Variants in CFAP69 observed in about 807,000 individuals in gnomAD.
The protein encoded by CFAP69 is cilia- and flagella-associated protein 69.
A neutral mutation model predicts 123.0 loss-of-function variants in CFAP69; 92 were observed. That is an observed-to-expected ratio of 0.75 (90% CI 0.63 to 0.89). CFAP69 has a LOEUF of 0.89. Among genes scored for constraint, CFAP69 ranks in the 40% least tolerant of loss-of-function variants. The probability of loss-of-function intolerance (pLI) is 0.00; values close to 1 mark genes in which losing one functional copy is unlikely to be tolerated. For missense variants in CFAP69, 1,067 were observed against 1,096.9 expected, an observed-to-expected ratio of 0.97 and a Z score of 0.39; for synonymous variants, 380 against 364.3, an observed-to-expected ratio of 1.04 and a Z score of -0.49.
At chr7:90,276,008 T>G (rs2116980642) in intron 9 of CFAP69, 1 of 152,324 alleles carries the variant, frequency 6.6e-6, no homozygotes, top group East Asian at 1.9e-4. Context: ...ATAGTTTTAT[T>G]TGTCACCAGC....
intron 19 of CFAP69, 38 bp from the exon 20 acceptor site, chr7:90,306,863 T>C: frequency 8.3e-7 from 1 of 1,208,960 alleles, no homozygotes; most frequent in Non-Finnish European, 1.2e-6. Flanking sequence ...ATGATTTGTT[T>C]TTGGTTAATT....
intron 9 of CFAP69, among the ~76,000 whole-genome samples, chr7:90,275,787 A>G (rs540793892): frequency 6.6e-6 from 1 of 151,778 alleles, no homozygotes; most frequent in East Asian, 1.9e-4. Flanking sequence ...TATTTTTAGT[A>G]GAGACAGGGT....
At chr7:90,311,312 C>A (rs1013842495), downstream of CFAP69, among the ~76,000 whole-genome samples, 1 of 152,128 alleles carries the variant, frequency 6.6e-6, no homozygotes, top group African/African-American at 2.4e-5. Context: ...GAGACAAGGA[C>A]CTGTTTCTTA....
chr7:90,253,109 CA>C (rs1797219354), intron 1 of CFAP69, among the ~76,000 whole-genome samples: 2 of 152,078 alleles, frequency 1.3e-5, no homozygotes. Context: ...ATCACCTTTT[CA>C]AACATTTATT....
Position 90,303,984 on chromosome 7 carries a change from T to G in CFAP69, c.2066T>G (p.Leu689Arg). 2.6e-6 allele frequency: 4 copies of G among 1,549,652 alleles called. No homozygotes were observed. Among genetic ancestry groups the G allele is most frequent in the Non-Finnish European group, 3.5e-6 (4 of 1,145,784 alleles). ...CAATGATTAGATACAAAAAAACCTCTATTTACTAGCTTTCAAGAAGAGCAA... is the reference window on the plus strand; with the variant it reads ...CAATGATTAGATACAAAAAAACCTCGATTTACTAGCTTTCAAGAAGAGCAA... ...NGKIIDTKKP[L>R]FTSFQEEQKI... Residue 689 changes from leucine to arginine, a missense_variant, in exon 18 of 23, where the codon CTA becomes CGA. Physicochemically the swap from Leu to Arg is moderately radical, Grantham distance 102. Coordinates refer to ENST00000389297, the MANE Select transcript of CFAP69 (RefSeq NM_001039706.3).
chr7:90,308,006 A>G, intron 21 of CFAP69, 152 bp downstream of exon 21: 1 of 501,218 alleles, frequency 2.0e-6, no homozygotes, highest in Non-Finnish European at 3.5e-6. Context: ...TAGAGTGATA[A>G]GTGAAACTGC....
At position 90,245,229 on chromosome 7, in the gene CFAP69, T is replaced by C. The variant is rs1338441928; in HGVS notation, c.-196T>C. 3.3e-6 allele frequency: 2 copies of C among 606,418 alleles called. No individual in the cohort carries two copies. The highest frequency in any genetic ancestry group is 2.5e-6 in the Non-Finnish European group (1 of 397,144). 37.6% of individuals were successfully genotyped at this position (606,418 alleles called of 1,614,324 possible). A position where few individuals can be genotyped will look rare whatever the true frequency, so the allele number is the denominator to read the frequency against. On this transcript the variant is annotated 5_prime_UTR_variant, in exon 1 of 23. Transcript: ENST00000389297. Reference sequence around the variant, plus strand: ...CCCGGGATCAGAGGTCTGGGTCAACTGGGGGGCGGCAGCGGCGCTAAGCGG... The same window carrying C: ...CCCGGGATCAGAGGTCTGGGTCAACCGGGGGGCGGCAGCGGCGCTAAGCGG...
chr7:90,296,218 C>T (rs779251678), intron 15 of CFAP69, among the ~76,000 whole-genome samples: 1 of 152,100 alleles, frequency 6.6e-6, no homozygotes, highest in Non-Finnish European at 1.5e-5. Context: ...TTAAAGTGCA[C>T]CAACATCTTG....
chr7:90,283,074 G>A lies in CFAP69; in HGVS notation c.1537+18G>A. On this transcript the variant is annotated intron_variant, in intron 13 of 22. Transcript: ENST00000389297. ...AATGATAGGTAAAATATAACATGGT[G>A]GTTTACTGATGAAAGAGGAATATTT... The A allele has an allele frequency of 6.8e-7, 1 of 1,464,472 alleles. No individual in the cohort carries two copies. Among genetic ancestry groups the A allele is most frequent in the Non-Finnish European group, 9.1e-7 (1 of 1,103,398 alleles). 90.7% of individuals were successfully genotyped at this position (1,464,472 alleles called of 1,614,324 possible).
chr7:90,302,544 G>A lies in CFAP69; in HGVS notation c.2051-1425G>A, dbSNP rs376621985. On this transcript the variant is annotated intron_variant, in intron 17 of 22. Coordinates refer to ENST00000389297, the MANE Select transcript of CFAP69 (RefSeq NM_001039706.3). ...CAGTTTCAATTTTCTGCATATGGCT[G>A]GCTAGTTATCCCAGCACCATTTATT... 5 of 152,136 alleles carry A rather than the reference G, an allele frequency of 3.3e-5. No homozygotes were observed. The East Asian group carries it at 9.7e-4, about 29-fold the overall frequency. The allele number at this position is 152,136 out of a possible 1,614,324, so 9.4% of individuals were successfully genotyped here.
rs774844602 is a variant in CFAP69 at position 90,297,766 on chromosome 7, G to A, written c.1793G>A (p.Cys598Tyr). The A allele has an allele frequency of 2.4e-5, 37 of 1,572,896 alleles. No individual in the cohort carries two copies. Among genetic ancestry groups the A allele is most frequent in the Non-Finnish European group, 2.9e-5 (34 of 1,166,904 alleles). Residue 598 changes from cysteine (C) to tyrosine (Y), a missense_variant, in exon 16 of 23, where the codon TGT (cysteine) becomes TAT (tyrosine). By Grantham distance (194) the Cys-to-Tyr change is radical. Coordinates refer to ENST00000389297, the MANE Select transcript of CFAP69 (RefSeq NM_001039706.3). ...AATTTAAGGTGCTGTATTTTGGGAT[G>A]TTATCCCTCAGAGGATTATTTTCTT... ...LDSIWCCILG[C>Y]YPSEDYFLEK...
chr7:90,249,467 T>C (rs1227648119), intron 1 of CFAP69, among the ~76,000 whole-genome samples: 1 of 152,110 alleles, frequency 6.6e-6, no homozygotes, highest in African/African-American at 2.4e-5. Context: ...AGGAAGATAG[T>C]TCTCAGATTG....
At chr7:90,317,052 T>G in the CFAP69 span, 2 of 151,990 alleles carry the variant, frequency 1.3e-5, no homozygotes, top group Non-Finnish European at 2.9e-5. Context: ...CTTCGGCTCC[T>G]CTGCAGGAAA....
At chr7:90,250,173 A>C (rs1435130332) in intron 1 of CFAP69, among the ~76,000 whole-genome samples, 1 of 142,538 alleles carries the variant, frequency 7.0e-6, no homozygotes, top group East Asian at 2.0e-4. Flanking sequence ...GGAGACCCCC[A>C]CTCTTTAAAG....
chr7:90,306,837 A>G (rs1259246712), intron 19 of CFAP69, 64 bp from the exon 20 acceptor site: 21 of 974,092 alleles, frequency 2.2e-5, no homozygotes, highest in Non-Finnish European at 3.2e-5. Flanking sequence ...AAAAAATTGT[A>G]TAATTGTACA....
chr7:90,299,801 T>TC (rs2117330878), intron 16 of CFAP69, 66 bp from the exon 17 acceptor site: 1 of 1,290,442 alleles, frequency 7.7e-7, no homozygotes, highest in African/African-American at 1.5e-5. Context: ...TCTCTCTTTT[T>TC]TTTTTGAAGA....
intron 15 of CFAP69, among the ~76,000 whole-genome samples, chr7:90,294,887 G>C (rs1345264672): frequency 6.6e-6 from 1 of 152,162 alleles, no homozygotes; most frequent in Non-Finnish European, 1.5e-5. Context: ...TTGCACAGAG[G>C]GGAAGGGAAG....
intron 13 of CFAP69, 39 bp downstream of exon 13, chr7:90,283,095 TA>T (rs1408101121): frequency 2.2e-6 from 3 of 1,392,060 alleles, no homozygotes; most frequent in Non-Finnish European, 1.9e-6. Context: ...GAAAGAGGAA[TA>T]TTTTTAATAG....
rs1799954434 is a variant in CFAP69 at position 90,271,578 on chromosome 7, A to G, written c.585A>G (p.Gly195=). 1.2e-6 allele frequency: 2 copies of G among 1,613,208 alleles called. No individual in the cohort carries two copies. The highest frequency in any genetic ancestry group is 1.7e-6 in the Non-Finnish European group (2 of 1,179,666). ...SYKIQMAEVG[G]LAKTMVQSMT... is the part of the protein sequence containing the mutation. ...AGATTCAAATGGCTGAAGTTGGAGG[A>G]TTAGCAAAAACAATGGTCCAGTCAA... Residue 195 remains glycine, a synonymous_variant, in exon 7 of 23, where the codon GGA becomes GGG. Coordinates refer to ENST00000389297, the MANE Select transcript of CFAP69 (RefSeq NM_001039706.3).
Sources: allele counts gnomAD v4.1 joint callset (sites outside exome capture counted in the v4.1 genomes callset), GRCh38; gene constraint gnomAD v4.1.1; transcripts MANE v1.5; gene names NCBI Gene and HGNC (gene_info 2026-07-23, HGNC 2026-07-21).